The following PGS1 variants were observed in gnomAD, a reference collection of about 807,000 sequenced individuals.
PGS1 encodes the protein phosphatidylglycerophosphate synthase 1, also known as CDP-diacylglycerol--glycerol-3-phosphate 3-phosphatidyltransferase, mitochondrial.
In PGS1, 44 loss-of-function variants were observed where a neutral mutation model predicts 58.3. The observed-to-expected ratio is 0.75, with a 90% CI of 0.59 to 0.97. The LOEUF (loss-of-function observed/expected upper bound fraction) is 0.97, where lower values mean the gene tolerates loss of function less well. PGS1 is among the 50% of genes least tolerant of loss of function. PGS1 has a pLI of 0.00. For synonymous variants in PGS1, 330 were observed against 311.0 expected, an observed-to-expected ratio of 1.06 and a Z score of -0.64; for missense variants, 684 against 731.1, an observed-to-expected ratio of 0.94 and a Z score of 0.74.
In PGS1 at chr17:78,395,894, A is replaced by G. The variant is rs116752726; in HGVS notation, c.334-414A>G. Among the ~76,000 whole-genome samples the G allele has an allele frequency of 8.3e-3, 1,265 of 152,238 alleles. 14 individuals are homozygous for G. Among genetic ancestry groups the G allele is most frequent in the African/African-American group, 0.028 (1,164 of 41,534 alleles). On this transcript the variant is annotated intron_variant, in intron 2 of 9. Transcript: ENST00000262764. ...GCTGGGATTACAGGCACGCGCCACC[A>G]TGGCGTGGCTAATCTTTATGTTTTT...
intron 9 of PGS1, chr17:78,420,313 A>AG: frequency 1.0e-5 from 8 of 782,396 alleles, no homozygotes; most frequent in African/African-American, 1.9e-5. Flanking sequence ...GGGGTCCCAC[A>AG]GTCACCTGAG....
At chr17:78,406,133 G>A (rs1306846520) in intron 7 of PGS1, among the ~76,000 whole-genome samples, 1 of 151,996 alleles carries the variant, frequency 6.6e-6, no homozygotes, top group Admixed American at 6.6e-5. Flanking sequence ...TGGCTAACAC[G>A]GTGAAACCCT....
At chr17:78,403,438 T>G (rs2083856745) in intron 6 of PGS1, 130 bp from the exon 7 acceptor site, 1 of 1,024,634 alleles carries the variant, frequency 9.8e-7, no homozygotes, top group East Asian at 2.4e-5. Flanking sequence ...CTGGGCCCAC[T>G]CAGCGAGTGT....
At chr17:78,423,148 TC>T in intron 9 of PGS1, among the ~76,000 whole-genome samples, 1 of 150,936 alleles carries the variant, frequency 6.6e-6, no homozygotes, top group African/African-American at 2.4e-5. Flanking sequence ...CCCCCTGGGA[TC>T]CGTCTTTTCT....
intron 1 of PGS1, among the ~76,000 whole-genome samples, chr17:78,392,042 A>G (rs1264687229): frequency 6.6e-6 from 1 of 152,244 alleles, no homozygotes; most frequent in Non-Finnish European, 1.5e-5. Context: ...GACTTCTGCC[A>G]GACTTACCCT....
At chr17:78,405,068 G>A (rs2084010807) in intron 7 of PGS1, among the ~76,000 whole-genome samples, 1 of 152,006 alleles carries the variant, frequency 6.6e-6, no homozygotes, top group Non-Finnish European at 1.5e-5. Context: ...CACGATCTCA[G>A]CTCACTGCTA....
intron 8 of PGS1, among the ~76,000 whole-genome samples, chr17:78,417,464 C>T (rs576593221): frequency 1.3e-5 from 2 of 151,804 alleles, no homozygotes; most frequent in African/African-American, 2.4e-5. Context: ...GAGCATGGGA[C>T]GGGGGCAGGG....
At chr17:78,419,757 A>C (rs2085525896) in intron 9 of PGS1, 82 bp downstream of exon 9, 2 of 1,585,220 alleles carry the variant, frequency 1.3e-6, no homozygotes, top group South Asian at 1.1e-5. Context: ...ACTCAACCAG[A>C]GCTTCCAGAG....
At chr17:78,424,027 T>C in intron 9 of PGS1, 34 bp from the exon 10 acceptor site, 2 of 1,614,060 alleles carry the variant, frequency 1.2e-6, no homozygotes, top group South Asian at 2.2e-5. Context: ...CACGGGACAC[T>C]CATAGATGTT....
chr17:78,403,298 G>A (rs2083842640), intron 6 of PGS1, among the ~76,000 whole-genome samples: 1 of 151,626 alleles, frequency 6.6e-6, no homozygotes, highest in African/African-American at 2.4e-5. Context: ...GCCTGGTTTT[G>A]AGCTTGTTTG....
chr17:78,379,410 A>C (rs1430857415), intron 1 of PGS1, among the ~76,000 whole-genome samples: 1 of 152,244 alleles, frequency 6.6e-6, no homozygotes, highest in African/African-American at 2.4e-5. Context: ...CTGGAAAAGT[A>C]CTGAAGTTAT....
chr17:78,398,337 C>T lies in PGS1; in HGVS notation c.497C>T (p.Thr166Met), dbSNP rs377492068. The T allele has an allele frequency of 2.5e-5, 41 of 1,612,950 alleles. No homozygotes were observed. Among genetic ancestry groups the T allele is most frequent in the African/African-American group, 2.7e-5 (2 of 74,886 alleles). The change falls in exon 4 of 10, where the codon ACG becomes ATG. Residue 166 changes from threonine (T) to methionine (M), a missense_variant. Physicochemically the swap from Thr to Met is moderately conservative, Grantham distance 81. Transcript: ENST00000262764. ...AAGGTCTCCATTCTCTTAGACTTCA[C>T]GCGGGGCTCACGAGGTAGGTGGCAT... is the stretch of plus-strand genomic sequence containing the variant. ...NLKVSILLDF[T>M]RGSRGRKNSR...
At chr17:78,412,414 T>C (rs887185644) in intron 7 of PGS1, among the ~76,000 whole-genome samples, 1 of 152,152 alleles carries the variant, frequency 6.6e-6, no homozygotes, top group Non-Finnish European at 1.5e-5. Context: ...GAAACATAGA[T>C]AGACATAGAG....
intron 6 of PGS1, among the ~76,000 whole-genome samples, chr17:78,401,794 A>ATC (rs1303129702): frequency 1.3e-5 from 2 of 152,188 alleles, no homozygotes; most frequent in African/African-American, 2.4e-5. Context: ...GGAGCTCTGT[A>ATC]TCTCTCTTGC....
intron 4 of PGS1, 99 bp from the exon 5 acceptor site, chr17:78,399,249 G>A (rs2083468186): frequency 3.4e-6 from 3 of 877,734 alleles, no homozygotes; most frequent in South Asian, 1.5e-5. Context: ...TCAGGTGGAC[G>A]GCACAGGTGA....
intron 3 of PGS1, 74 bp from the exon 4 acceptor site, chr17:78,398,178 G>T: frequency 9.3e-7 from 1 of 1,073,270 alleles, no homozygotes; most frequent in South Asian, 1.2e-5. Context: ...CTAGCCGATG[G>T]GGCGATTTGT....
At chr17:78,423,972 G>C (rs779330949) in intron 9 of PGS1, 89 bp from the exon 10 acceptor site, 1 of 1,613,948 alleles carries the variant, frequency 6.2e-7, no homozygotes. Flanking sequence ...TGGTCTTCAA[G>C]TTAAAGGTCC....
intron 1 of PGS1, among the ~76,000 whole-genome samples, chr17:78,388,968 G>A (rs2082603576): frequency 6.8e-6 from 1 of 147,046 alleles, no homozygotes; most frequent in South Asian, 2.1e-4. Context: ...GTGCTTACAT[G>A]ATGGCTTTGT....
intron 8 of PGS1, among the ~76,000 whole-genome samples, chr17:78,417,249 A>G (rs1344938428): frequency 2.0e-5 from 3 of 152,164 alleles, no homozygotes; most frequent in Non-Finnish European, 4.4e-5. Flanking sequence ...TTGGCCGGGT[A>G]TTCATTTGAA....
Sources: allele counts gnomAD v4.1 joint callset (sites outside exome capture counted in the v4.1 genomes callset), GRCh38; gene constraint gnomAD v4.1.1; transcripts MANE v1.5; gene names NCBI Gene and HGNC (gene_info 2026-07-23, HGNC 2026-07-21).